Variants in TENM3 observed in about 807,000 individuals in gnomAD.
TENM3 encodes teneurin transmembrane protein 3.
A neutral mutation model predicts 255.1 loss-of-function variants in TENM3; 63 were observed. That is an observed-to-expected ratio of 0.25 (90% CI 0.20 to 0.30). The LOEUF (loss-of-function observed/expected upper bound fraction) is 0.30. Among genes scored for constraint, TENM3 ranks in the 10% least tolerant of loss-of-function variants. The pLI, the probability that TENM3 is intolerant of heterozygous loss-of-function variation, is 1.00. For missense variants in TENM3, 2,929 were observed against 3,461.1 expected, an observed-to-expected ratio of 0.85 and a Z score of 3.86; for synonymous variants, 1,306 against 1,322.3, an observed-to-expected ratio of 0.99 and a Z score of 0.27.
the TENM3 span, among the ~76,000 whole-genome samples, chr4:182,000,775 C>T: frequency 4.0e-5 from 6 of 149,772 alleles, no homozygotes; most frequent in South Asian, 1.0e-3. Context: ...TTACATTTGC[C>T]GAATTAGAGA....
chr4:182,147,626 C>T (rs1750059188), intron 1 of TENM3, among the ~76,000 whole-genome samples: 1 of 152,114 alleles, frequency 6.6e-6, no homozygotes, highest in Non-Finnish European at 1.5e-5. Flanking sequence ...TGCTCATCTA[C>T]CCTGTGTTTC....
chr4:182,358,424 G>A (rs574864033), intron 3 of TENM3, among the ~76,000 whole-genome samples: 204 of 151,696 alleles, frequency 1.3e-3, no homozygotes, highest in Middle Eastern at 0.01. Flanking sequence ...TCCTTGAAGA[G>A]GTCCTTCACA....
intron 25 of TENM3, among the ~76,000 whole-genome samples, chr4:182,791,631 A>G (rs1305795095): frequency 6.6e-6 from 1 of 152,210 alleles, no homozygotes; most frequent in African/African-American, 2.4e-5. Flanking sequence ...ATGCCTTGTA[A>G]CAATTTGCCT....
chr4:181,749,604 T>C, the TENM3 span, among the ~76,000 whole-genome samples: 1 of 152,200 alleles, frequency 6.6e-6, no homozygotes, highest in African/African-American at 2.4e-5. Context: ...TAGCAGTGTT[T>C]CAAAAGAAGA....
At chr4:182,077,546 G>A in the TENM3 span, among the ~76,000 whole-genome samples, 65 of 152,128 alleles carry the variant, frequency 4.3e-4, 3 homozygotes, top group Non-Finnish European at 1.2e-4. Flanking sequence ...CACAAAGAAA[G>A]CAAACAAATA....
chr4:182,782,522 G>A (rs1447277879), intron 24 of TENM3, among the ~76,000 whole-genome samples: 1 of 99,222 alleles, frequency 1.0e-5, no homozygotes, highest in Admixed American at 1.2e-4. Flanking sequence ...TGAAAAAAAT[G>A]TATATTCTGT....
the TENM3 span, among the ~76,000 whole-genome samples, chr4:181,752,033 T>C: frequency 1.3e-5 from 2 of 152,184 alleles, no homozygotes; most frequent in African/African-American, 4.8e-5. Flanking sequence ...TCAATTCCCT[T>C]TAGCAGATTT....
At chr4:181,629,309 C>G in the TENM3 span, among the ~76,000 whole-genome samples, 1 of 152,130 alleles carries the variant, frequency 6.6e-6, no homozygotes. Context: ...TCCTCTTTTC[C>G]TAATTGAATA....
At chr4:181,721,953 C>A in the TENM3 span, among the ~76,000 whole-genome samples, 2 of 152,046 alleles carry the variant, frequency 1.3e-5, no homozygotes, top group African/African-American at 4.8e-5. Context: ...GGACTTACCA[C>A]TAAGGCTGGT....
At chr4:181,855,830 G>A in the TENM3 span, among the ~76,000 whole-genome samples, 1 of 151,278 alleles carries the variant, frequency 6.6e-6, no homozygotes, top group Non-Finnish European at 1.5e-5. Flanking sequence ...AAAGGGAGAG[G>A]ATGGAAGGAA....
the TENM3 span, among the ~76,000 whole-genome samples, chr4:181,614,058 T>G: frequency 6.6e-6 from 1 of 151,956 alleles, no homozygotes; most frequent in Admixed American, 6.6e-5. Context: ...TAACATACAA[T>G]GGAGCTATTA....
At chr4:181,788,572 C>A in the TENM3 span, among the ~76,000 whole-genome samples, 1 of 152,072 alleles carries the variant, frequency 6.6e-6, no homozygotes, top group Non-Finnish European at 1.5e-5. Flanking sequence ...AGGTACAGTG[C>A]GGAAAGTGTC....
At chr4:182,026,711 G>A in the TENM3 span, among the ~76,000 whole-genome samples, 1 of 151,998 alleles carries the variant, frequency 6.6e-6, no homozygotes, top group East Asian at 1.9e-4. Flanking sequence ...TATTTATTGA[G>A]GAGAGAATCT....
chr4:181,862,304 G>A, the TENM3 span, among the ~76,000 whole-genome samples: 2 of 152,012 alleles, frequency 1.3e-5, no homozygotes, highest in Admixed American at 6.6e-5. Flanking sequence ...GTCACGAAAG[G>A]CCATAAACTA....
At chr4:181,640,230 T>TG in the TENM3 span, among the ~76,000 whole-genome samples, 2 of 152,160 alleles carry the variant, frequency 1.3e-5, no homozygotes, top group African/African-American at 4.8e-5. Context: ...CCTGAGACTC[T>TG]GGGGATAGAA....
At chr4:182,185,812 T>C (rs919702772) in intron 1 of TENM3, among the ~76,000 whole-genome samples, 2 of 152,230 alleles carry the variant, frequency 1.3e-5, no homozygotes, top group Admixed American at 1.3e-4. Context: ...CTTGTAATAG[T>C]GCATACGCTT....
intron 3 of TENM3, among the ~76,000 whole-genome samples, chr4:182,554,049 C>G (rs371843769): frequency 6.6e-6 from 1 of 152,108 alleles, no homozygotes; most frequent in African/African-American, 2.4e-5. Context: ...CAATCTCAGA[C>G]GCAAGTGTAA....
chr4:182,701,054 G>A (rs1757815478), intron 12 of TENM3, among the ~76,000 whole-genome samples: 2 of 151,806 alleles, frequency 1.3e-5, no homozygotes, highest in African/African-American at 4.8e-5. Flanking sequence ...TTACCATTCT[G>A]TCCAAAATTA....
At chr4:181,605,584 G>GAAAGAAAGAAAGAAAGAAAGAAA in the TENM3 span, among the ~76,000 whole-genome samples, 8 of 69,142 alleles carry the variant, frequency 1.2e-4, no homozygotes, top group Non-Finnish European at 1.5e-4. Context: ...GAGAAAGAAA[G>GAAAGAAAGAAAGAAAGAAAGAAA]GAAAGAAAGA....
Sources: gnomAD v4.1 joint callset for allele counts (sites outside exome capture counted in the v4.1 genomes callset) on GRCh38, gnomAD v4.1.1 for gene constraint, MANE v1.5 for transcripts, NCBI Gene and HGNC (gene_info 2026-07-23, HGNC 2026-07-21) for gene names.